ANAPC10: variants seen among roughly 807,000 people sequenced by gnomAD.
ANAPC10 encodes the protein anaphase-promoting complex subunit 10.
In ANAPC10, 12 loss-of-function variants were observed where a neutral mutation model predicts 22.0. The observed-to-expected ratio is 0.55, with a 90% CI of 0.35 to 0.88. The LOEUF (loss-of-function observed/expected upper bound fraction) is 0.88. Ranked by LOEUF, ANAPC10 falls within the 40% of genes least tolerant of loss-of-function variation. The pLI is 0.01. For missense variants in ANAPC10, 188 were observed against 220.9 expected (o/e 0.85, Z 0.94); for synonymous variants, 65 against 69.5 (o/e 0.94, Z 0.32).
chr4:145,016,645 G>A (rs752990778), intron 4 of ANAPC10, among the ~76,000 whole-genome samples: 1 of 152,074 alleles, frequency 6.6e-6, no homozygotes, highest in Non-Finnish European at 1.5e-5. Context: ...GGAACCAAAA[G>A]GGAGTCCACA....
intron 3 of ANAPC10, among the ~76,000 whole-genome samples, chr4:145,068,071 T>C (rs1411094997): frequency 1.3e-5 from 2 of 152,124 alleles, no homozygotes; most frequent in Admixed American, 1.3e-4. Flanking sequence ...TGAAGGAATG[T>C]AAAGAGAAGG....
Position 144,998,119 on chromosome 4 carries a change from C to A in ANAPC10, c.328-2516G>T, listed in dbSNP as rs993907919. 1.4e-4 allele frequency among the ~76,000 whole-genome samples: 22 copies of A among 152,120 alleles called. 1 individual carries two copies. The highest frequency in any genetic ancestry group is 5.3e-4 in the African/African-American group (22 of 41,420). The stretch of plus-strand genomic sequence containing the variant: ...ATCTATAAAGAGACTTAGACTCCCA[C>A]ACAATAATAATGGGAGATTTTAACA... On this transcript the variant is annotated intron_variant, in intron 4 of 4. Transcript: ENST00000507656.
At chr4:145,022,554 G>A (rs1736104599) in intron 4 of ANAPC10, among the ~76,000 whole-genome samples, 1 of 151,960 alleles carries the variant, frequency 6.6e-6, no homozygotes, top group Non-Finnish European at 1.5e-5. Context: ...AAACAGGGTG[G>A]TGCAATGTAT....
At chr4:145,050,083 T>C (rs563871518) in intron 4 of ANAPC10, among the ~76,000 whole-genome samples, 15 of 152,218 alleles carry the variant, frequency 9.9e-5, no homozygotes, top group Non-Finnish European at 1.8e-4. Flanking sequence ...CAATTTGCTT[T>C]GCCTAGATCC....
chr4:145,035,502 C>T (rs35334448), intron 4 of ANAPC10: 2 of 152,360 alleles, frequency 1.3e-5, no homozygotes, highest in East Asian at 3.9e-4. Flanking sequence ...GGAGCCAGGC[C>T]TACAACTGAC....
intron 4 of ANAPC10, among the ~76,000 whole-genome samples, chr4:145,011,772 G>A (rs1734351890): frequency 6.6e-6 from 1 of 152,124 alleles, no homozygotes; most frequent in Non-Finnish European, 1.5e-5. Context: ...GCCACATTCT[G>A]AAGTTGCCTA....
intron 4 of ANAPC10, chr4:145,053,782 TG>T: frequency 3.1e-6 from 2 of 647,558 alleles, no homozygotes; most frequent in Admixed American, 2.5e-5. Context: ...AACATGAGGC[TG>T]AAAAAAAAAA....
chr4:145,072,157 T>G lies in ANAPC10; in HGVS notation c.207-7465A>C, dbSNP rs80248158. Reference sequence around the variant, plus strand: ...ACTACTCACTAGAACTGAACACTTCTATTTCTAAAATATATTTTGCCATTT... The same window carrying G: ...ACTACTCACTAGAACTGAACACTTCGATTTCTAAAATATATTTTGCCATTT... On this transcript the variant is annotated intron_variant, in intron 3 of 4. Transcript: ENST00000507656. Among the ~76,000 whole-genome samples, 35 of 152,338 alleles carry G rather than the reference T, an allele frequency of 2.3e-4. No individual in the cohort carries two copies. In the East Asian group the frequency reaches 6.5e-3, roughly 28 times the overall value.
At chr4:145,063,954 A>G (rs993306592) in intron 4 of ANAPC10, 1 of 152,088 alleles carries the variant, frequency 6.6e-6, no homozygotes, top group Non-Finnish European at 1.5e-5. Context: ...TAAAATCAGT[A>G]TAATAGTTAT....
intron 4 of ANAPC10, among the ~76,000 whole-genome samples, chr4:145,045,478 C>T (rs1740164257): frequency 6.6e-6 from 1 of 152,170 alleles, no homozygotes; most frequent in Middle Eastern, 3.4e-3. Context: ...GTCATCTCCC[C>T]ATGTCATCTT....
chr4:145,064,748 T>C (rs1743427315), intron 3 of ANAPC10, 56 bp from the exon 4 acceptor site: 2 of 1,361,244 alleles, frequency 1.5e-6, no homozygotes, highest in African/African-American at 2.9e-5. Flanking sequence ...AGATTTCCAA[T>C]GCATCTTATC....
At chr4:145,060,357 C>T (rs1560892949) in intron 4 of ANAPC10, among the ~76,000 whole-genome samples, 1 of 151,902 alleles carries the variant, frequency 6.6e-6, no homozygotes, top group Non-Finnish European at 1.5e-5. Context: ...GGGTCTGATG[C>T]CTTTGTAGAG....
intron 4 of ANAPC10, 85 bp downstream of exon 4, chr4:145,064,487 C>A: frequency 1.9e-6 from 2 of 1,040,696 alleles, no homozygotes; most frequent in East Asian, 2.8e-5. Context: ...ACATTTTAAC[C>A]TGTCTAATGT....
In ANAPC10 at chr4:145,096,087, T is replaced by C; in HGVS notation, c.13A>G (p.Asn5Asp). 6.2e-7 allele frequency: 1 copy of C among 1,614,140 alleles called. No individual in the cohort carries two copies. The highest frequency in any genetic ancestry group is 8.5e-7 in the Non-Finnish European group (1 of 1,180,006). Residue 5 changes from asparagine (N) to aspartate (D), a missense_variant, in exon 2 of 5, where the codon AAC becomes GAC. Physicochemically the swap from Asn to Asp is conservative, Grantham distance 23. Coordinates refer to ENST00000507656, the MANE Select transcript of ANAPC10 (RefSeq NM_001256706.2). MTTP[N>D]KTPPGADPKQ... ...GGGTCAGCACCAGGAGGTGTCTTGT[T>C]TGGTGTAGTCATTTTTAAAATATTC...
chr4:145,050,949 C>T (rs558615379), intron 4 of ANAPC10, among the ~76,000 whole-genome samples: 2 of 152,322 alleles, frequency 1.3e-5, no homozygotes, highest in African/African-American at 2.4e-5. Flanking sequence ...TAGAGTAGCA[C>T]GTTTAATTTC....
At chr4:144,999,800 C>G (rs1314468095) in intron 4 of ANAPC10, among the ~76,000 whole-genome samples, 1 of 152,200 alleles carries the variant, frequency 6.6e-6, no homozygotes, top group Non-Finnish European at 1.5e-5. Context: ...TCACTTCAAA[C>G]TATACTACAC....
chr4:145,018,293 G>A (rs1735499632), intron 4 of ANAPC10, among the ~76,000 whole-genome samples: 1 of 151,984 alleles, frequency 6.6e-6, no homozygotes, highest in Non-Finnish European at 1.5e-5. Flanking sequence ...GAATGTAAAT[G>A]GCCTAAATGC....
intron 4 of ANAPC10, among the ~76,000 whole-genome samples, chr4:145,063,525 G>C (rs1000611249): frequency 2.0e-5 from 3 of 152,000 alleles, no homozygotes; most frequent in African/African-American, 4.8e-5. Context: ...TAAGAGCCAA[G>C]ACCACAAATT....
chr4:145,049,447 TGTC>T (rs1363126950), intron 4 of ANAPC10, among the ~76,000 whole-genome samples: 1 of 152,236 alleles, frequency 6.6e-6, no homozygotes, highest in Non-Finnish European at 1.5e-5. Context: ...AATTCTTTGT[TGTC>T]ATTTCAAGAA....
Sources: allele counts gnomAD v4.1 joint callset (sites outside exome capture counted in the v4.1 genomes callset), GRCh38; gene constraint gnomAD v4.1.1; transcripts MANE v1.5; gene names NCBI Gene and HGNC (gene_info 2026-07-23, HGNC 2026-07-21).